Variants in SERP2 observed in about 807,000 individuals in gnomAD.
SERP2 encodes stress associated endoplasmic reticulum protein family member 2, also known as stress-associated endoplasmic reticulum protein 2.
Under a neutral mutation model 9.1 loss-of-function variants are expected in SERP2, and 6 were observed. That is an observed-to-expected ratio of 0.66 (90% confidence interval 0.36 to 1.30). The LOEUF (loss-of-function observed/expected upper bound fraction) is 1.30. SERP2 is among the 50% of genes most tolerant of loss of function. The pLI, the probability that SERP2 is intolerant of heterozygous loss-of-function variation, is 0.03. For missense variants in SERP2, 58 were observed against 81.9 expected (o/e 0.71, Z 1.13); for synonymous variants, 37 against 27.3 (o/e 1.35, Z -1.10).
chr13:44,385,517 T>C (rs1296184805), intron 2 of SERP2, among the ~76,000 whole-genome samples: 1 of 152,222 alleles, frequency 6.6e-6, no homozygotes, highest in Non-Finnish European at 1.5e-5. Flanking sequence ...AGAGGGAGTT[T>C]GGGGAGGTTA....
intron 2 of SERP2, among the ~76,000 whole-genome samples, chr13:44,392,213 A>AAAAAAAAAAG (rs58216181): frequency 6.8e-6 from 1 of 147,532 alleles, no homozygotes; most frequent in African/African-American, 2.5e-5. Context: ...AAAAAAAAAA[A>AAAAAAAAAAG]GCCCTGTGGT....
chr13:44,395,094 G>T (rs1474173359), intron 2 of SERP2, among the ~76,000 whole-genome samples: 1 of 152,214 alleles, frequency 6.6e-6, no homozygotes, highest in Non-Finnish European at 1.5e-5. Context: ...ATAGTTCCCT[G>T]ATCACAAGAA....
rs1873186273 is a variant in SERP2, at chr13:44,397,480, C to T, written c.*168C>T. On this transcript the variant is annotated 3_prime_UTR_variant, in exon 3 of 3. Transcript: ENST00000379179. ...TGGATGTCAGACCAAATTGCCTTCT[C>T]ACAGGACATCTTGGTGCATCCGCGT... 24 of 627,166 alleles carry T rather than the reference C, an allele frequency of 3.8e-5. No individual in the cohort carries two copies. In the South Asian group the frequency reaches 4.5e-4, roughly 12 times the overall value. The allele number at this position is 627,166 out of a possible 1,614,324, so 38.9% of individuals were successfully genotyped here.
chr13:44,394,100 G>A (rs957140291), intron 2 of SERP2, among the ~76,000 whole-genome samples: 1 of 152,074 alleles, frequency 6.6e-6, no homozygotes, highest in African/African-American at 2.4e-5. Context: ...GCTGTTCTGA[G>A]ACGTGCAAAC....
At chr13:44,393,064 G>T (rs1249644169) in intron 2 of SERP2, among the ~76,000 whole-genome samples, 3 of 152,112 alleles carry the variant, frequency 2.0e-5, no homozygotes, top group Non-Finnish European at 4.4e-5. Flanking sequence ...GTGCCCAGCG[G>T]GGGTGAGCAG....
chr13:44,390,752 T>A (rs1872698352), intron 2 of SERP2: 2 of 163,144 alleles, frequency 1.2e-5, no homozygotes, highest in South Asian at 3.2e-4. Flanking sequence ...TCTCTCTTTT[T>A]TCCCTCTTCT....
At chr13:44,376,731 C>T (rs1265953729) in intron 1 of SERP2, among the ~76,000 whole-genome samples, 1 of 151,616 alleles carries the variant, frequency 6.6e-6, no homozygotes. Context: ...GCCGAGATCA[C>T]GCCACCGCAC....
chr13:44,374,106 C>G lies in SERP2; in HGVS notation c.81C>G (p.Thr27=). 2 of 1,563,482 alleles carry G rather than the reference C, an allele frequency of 1.3e-6. No individual in the cohort carries two copies. The highest frequency in any genetic ancestry group is 1.7e-6 in the Non-Finnish European group (2 of 1,156,118). The change falls in exon 1 of 3, where the codon ACC becomes ACG. Residue 27 remains threonine (T), a synonymous_variant. Coordinates refer to ENST00000379179, the MANE Select transcript of SERP2 (RefSeq NM_001010897.3). ...CCCAGAGGGGGAACGTAGCCAAAACCCTGGTAAGGCGGGGTCGGCGCCGGC... is the reference window on the plus strand; with the variant it reads ...CCCAGAGGGGGAACGTAGCCAAAACGCTGGTAAGGCGGGGTCGGCGCCGGC... ...NITQRGNVAK[T]LRPQEEKYPV...
At chr13:44,393,217 A>G (rs962629964) in intron 2 of SERP2, among the ~76,000 whole-genome samples, 3 of 152,212 alleles carry the variant, frequency 2.0e-5, no homozygotes, top group Admixed American at 6.5e-5. Context: ...AGCAGGTAAG[A>G]GAGTGCAGAA....
At chr13:44,381,191 T>C (rs1871948779) in intron 2 of SERP2, among the ~76,000 whole-genome samples, 2 of 133,118 alleles carry the variant, frequency 1.5e-5, no homozygotes, top group Admixed American at 8.7e-5. Flanking sequence ...GAGCCAGAGA[T>C]CGCGCCATTG....
At chr13:44,387,581 G>A (rs1872392130) in intron 2 of SERP2, among the ~76,000 whole-genome samples, 1 of 152,138 alleles carries the variant, frequency 6.6e-6, no homozygotes, top group South Asian at 2.1e-4. Context: ...TTTATTTAGA[G>A]TCAGCCTATA....
chr13:44,391,968 G>A (rs949663783), intron 2 of SERP2, among the ~76,000 whole-genome samples: 6 of 151,594 alleles, frequency 4.0e-5, no homozygotes, highest in African/African-American at 1.5e-4. Context: ...AGGCCGAGGC[G>A]GGTGGATCGT....
At chr13:44,374,210 C>A (rs1595045540) in intron 1 of SERP2, 101 bp downstream of exon 1, 1 of 751,810 alleles carries the variant, frequency 1.3e-6, no homozygotes, top group Non-Finnish European at 1.9e-6. Flanking sequence ...AGGGTCCGGC[C>A]TCCCGGCTCC....
chr13:44,388,644 C>G (rs572225750), intron 2 of SERP2, among the ~76,000 whole-genome samples: 17 of 152,330 alleles, frequency 1.1e-4, no homozygotes, highest in African/African-American at 3.8e-4. Context: ...CACTTTCCCC[C>G]TGTATTCTCC....
intron 1 of SERP2, among the ~76,000 whole-genome samples, chr13:44,377,058 C>T (rs375654584): frequency 7.2e-5 from 11 of 152,022 alleles, no homozygotes; most frequent in African/African-American, 1.9e-4. Flanking sequence ...TGCTGGGCAC[C>T]CCTTCTAAAA....
In SERP2 at chr13:44,397,525, T is replaced by G; in HGVS notation, c.*213T>G. On this transcript the variant is annotated 3_prime_UTR_variant, in exon 3 of 3. Transcript: ENST00000379179. ...CCGCGTTCTCAAGCGGAAAGGACAT[T>G]TTGCTTTTCTGTTGGCAGGATTAGT... is the stretch of plus-strand genomic sequence containing the variant. 1.7e-6 allele frequency: 1 copy of G among 584,304 alleles called. No homozygotes were observed. Among genetic ancestry groups the G allele is most frequent in the East Asian group, 2.9e-5 (1 of 34,564 alleles). The allele number at this position is 584,304 out of a possible 1,614,324, so 36.2% of individuals were successfully genotyped here.
intron 1 of SERP2, among the ~76,000 whole-genome samples, chr13:44,376,361 T>G (rs1008440415): frequency 6.6e-6 from 1 of 152,208 alleles, no homozygotes; most frequent in African/African-American, 2.4e-5. Flanking sequence ...CAACTGAAAA[T>G]TCAGACTAAT....
intron 2 of SERP2, among the ~76,000 whole-genome samples, chr13:44,395,319 C>T (rs1222227361): frequency 6.6e-6 from 1 of 152,058 alleles, no homozygotes; most frequent in Non-Finnish European, 1.5e-5. Context: ...TAAGACCCAC[C>T]CAAGGCCGGG....
chr13:44,380,232 A>C (rs991173753), intron 2 of SERP2, among the ~76,000 whole-genome samples: 4 of 152,202 alleles, frequency 2.6e-5, no homozygotes, highest in African/African-American at 9.7e-5. Flanking sequence ...ACATACACAC[A>C]AATGCAGGGA....
Sources: allele counts gnomAD v4.1 joint callset (sites outside exome capture counted in the v4.1 genomes callset), GRCh38; gene constraint gnomAD v4.1.1; transcripts MANE v1.5; gene names NCBI Gene and HGNC (gene_info 2026-07-23, HGNC 2026-07-21).